Variants in FAM120A observed in about 807,000 individuals in gnomAD.
The protein encoded by FAM120A is family with sequence similarity 120 member A, also known as constitutive coactivator of PPAR-gamma-like protein 1.
In FAM120A, 15 loss-of-function variants were observed where a neutral mutation model predicts 109.7. That is an observed-to-expected ratio of 0.14 (90% CI 0.09 to 0.21). The LOEUF (loss-of-function observed/expected upper bound fraction) is 0.21, where lower values mean the gene tolerates loss of function less well. FAM120A is among the 10% of genes least tolerant of loss of function. The pLI is 1.00. For missense variants in FAM120A, 899 were observed against 1,439.3 expected (o/e 0.62, Z 6.07); for synonymous variants, 493 against 572.8 (o/e 0.86, Z 1.99).
At chr9:93,512,403 G>C (rs747950152) in intron 5 of FAM120A, among the ~76,000 whole-genome samples, 2 of 152,226 alleles carry the variant, frequency 1.3e-5, no homozygotes, top group Non-Finnish European at 2.9e-5. Context: ...AGGGATTGCA[G>C]TGCATGTCTC....
chr9:93,491,077 A>G (rs1289448529), intron 3 of FAM120A, among the ~76,000 whole-genome samples: 1 of 152,172 alleles, frequency 6.6e-6, no homozygotes, highest in Non-Finnish European at 1.5e-5. Context: ...GGGGTTGTCA[A>G]GCTGCTTGGA....
At chr9:93,538,486 C>T (rs1370608963) in intron 10 of FAM120A, among the ~76,000 whole-genome samples, 1 of 152,144 alleles carries the variant, frequency 6.6e-6, no homozygotes, top group Non-Finnish European at 1.5e-5. Context: ...CCCAGGAAAG[C>T]TCGTCAAGTA....
At chr9:93,504,577 CCT>C (rs1306035242) in intron 5 of FAM120A, among the ~76,000 whole-genome samples, 2 of 152,116 alleles carry the variant, frequency 1.3e-5, no homozygotes, top group Non-Finnish European at 2.9e-5. Context: ...AGCATGTACT[CCT>C]CTGACTTGCC....
At chr9:93,519,932 G>A (rs139699460) in intron 7 of FAM120A, among the ~76,000 whole-genome samples, 52 of 152,222 alleles carry the variant, frequency 3.4e-4, no homozygotes, top group African/African-American at 1.2e-3. Flanking sequence ...CTGGAGTGCA[G>A]TGGGACCATC....
At chr9:93,456,070 A>G (rs529902259) in intron 1 of FAM120A, among the ~76,000 whole-genome samples, 6 of 152,228 alleles carry the variant, frequency 3.9e-5, no homozygotes, top group Non-Finnish European at 7.3e-5. Context: ...GTTGGTCTAC[A>G]TGGAAAGACA....
At chr9:93,482,934 G>T (rs916137234) in intron 3 of FAM120A, among the ~76,000 whole-genome samples, 2 of 152,194 alleles carry the variant, frequency 1.3e-5, no homozygotes, top group African/African-American at 4.8e-5. Context: ...AGTGCCTGGA[G>T]CCAGCTTTTG....
intron 5 of FAM120A, among the ~76,000 whole-genome samples, chr9:93,512,613 A>G (rs1208148348): frequency 2.0e-5 from 3 of 151,370 alleles, no homozygotes; most frequent in South Asian, 4.2e-4. Context: ...TGTGACCTCT[A>G]CTCTGGAGCC....
intron 1 of FAM120A, among the ~76,000 whole-genome samples, chr9:93,467,970 C>T (rs1483594044): frequency 6.6e-6 from 1 of 152,032 alleles, no homozygotes; most frequent in Admixed American, 6.5e-5. Context: ...CAACCTCTGC[C>T]TCCCAGGTTC....
At chr9:93,529,965 T>C in intron 9 of FAM120A, 1 of 430,052 alleles carries the variant, frequency 2.3e-6, no homozygotes, top group South Asian at 3.1e-5. Flanking sequence ...GGTTCCTTTA[T>C]CATTTGTGCT....
chr9:93,475,637 T>G (rs1858517164), intron 2 of FAM120A, among the ~76,000 whole-genome samples: 1 of 152,170 alleles, frequency 6.6e-6, no homozygotes, highest in African/African-American at 2.4e-5. Context: ...GAATACAGTT[T>G]TGTTTGTAGA....
rs1292513994 is a variant in FAM120A at position 93,452,872 on chromosome 9, A to G, written c.474+483A>G. 1 of 1,459,130 alleles carries G rather than the reference A, an allele frequency of 6.9e-7. No homozygotes were observed. Among genetic ancestry groups the G allele is most frequent in the Non-Finnish European group, 9.0e-7 (1 of 1,114,162 alleles). 90.4% of individuals were successfully genotyped at this position (1,459,130 alleles called of 1,614,324 possible). On this transcript the variant is annotated intron_variant, in intron 1 of 17. Coordinates refer to ENST00000277165, the MANE Select transcript of FAM120A (RefSeq NM_014612.5). This position sits in a 1 kb window ranked among gnomAD's most constrained non-coding sequence, Gnocchi z 7.0. ...AGAGCCCTTGGGGGCTGCAAATATC[A>G]GTGCTGCTGCCGCCGCCCTTGCCAA...
At position 93,452,894 on chromosome 9, in the gene FAM120A, C is replaced by T. The variant is rs1429652181; in HGVS notation, c.474+505C>T. On this transcript the variant is annotated intron_variant, in intron 1 of 17. Coordinates refer to ENST00000277165, the MANE Select transcript of FAM120A (RefSeq NM_014612.5). The surrounding 1 kb of genome is among the most constrained non-coding windows in gnomAD (Gnocchi z 7.0). ...ATCAGTGCTGCTGCCGCCGCCCTTG[C>T]CAATGTTGTTAGCCCGGTGACAGCG... 2.8e-6 allele frequency: 4 copies of T among 1,443,138 alleles called. No homozygotes were observed. Among genetic ancestry groups the T allele is most frequent in the South Asian group, 1.5e-5 (1 of 67,820 alleles). 89.4% of individuals were successfully genotyped at this position (1,443,138 alleles called of 1,614,324 possible).
At chr9:93,486,149 T>G (rs1388707751) in intron 3 of FAM120A, among the ~76,000 whole-genome samples, 2 of 151,930 alleles carry the variant, frequency 1.3e-5, no homozygotes, top group East Asian at 3.9e-4. Flanking sequence ...ATGTTTTATT[T>G]TTTTTTTTAG....
intron 10 of FAM120A, among the ~76,000 whole-genome samples, chr9:93,536,679 T>G (rs1244120533): frequency 6.6e-6 from 1 of 152,236 alleles, no homozygotes; most frequent in Admixed American, 6.5e-5. Flanking sequence ...TTTACCAAAC[T>G]TTCATTTTTA....
intron 3 of FAM120A, among the ~76,000 whole-genome samples, chr9:93,488,611 A>G (rs1209994509): frequency 6.6e-6 from 1 of 152,030 alleles, no homozygotes; most frequent in South Asian, 2.1e-4. Context: ...GCACCTGCAC[A>G]TCAGATTTGG....
At chr9:93,517,054 G>A (rs1180347090) in intron 7 of FAM120A, among the ~76,000 whole-genome samples, 19 of 152,158 alleles carry the variant, frequency 1.2e-4, no homozygotes, top group Non-Finnish European at 2.9e-5. Context: ...AGACATAGGT[G>A]TCAGCTTCCA....
intron 4 of FAM120A, 37 bp downstream of exon 4, chr9:93,497,636 C>A (rs754788441): frequency 1.9e-6 from 3 of 1,586,204 alleles, no homozygotes; most frequent in South Asian, 2.3e-5. Context: ...AAAACAGATT[C>A]ATGGGATATG....
Position 93,556,477 on chromosome 9 carries a change from A to C in FAM120A, c.2370A>C (p.Pro790=), listed in dbSNP as rs1282597442. The C allele has an allele frequency of 1.9e-6, 3 of 1,614,124 alleles. No homozygotes were observed. The East Asian group carries it at 6.7e-5, about 36-fold the overall frequency. ...TTGCAAATGATGCATGCGGACAGCC[A>C]ATCCCCTGGGAACACTGTTGTCCTT... is the stretch of plus-strand genomic sequence containing the variant. ...ALFANDACGQ[P]IPWEHCCPWM... is the part of the protein sequence containing the mutation. The change falls in exon 13 of 18, where the codon CCA becomes CCC. Residue 790 remains proline, a synonymous_variant. Transcript: ENST00000277165.
intron 1 of FAM120A, among the ~76,000 whole-genome samples, chr9:93,468,696 A>G (rs1858167622): frequency 6.6e-6 from 1 of 152,198 alleles, no homozygotes. Context: ...TCTCCACAGT[A>G]CAGCGTAGTG....
Sources: gnomAD v4.1 joint callset for allele counts (sites outside exome capture counted in the v4.1 genomes callset) on GRCh38, gnomAD v4.1.1 for gene constraint, Gnocchi (gnomAD v3.1) non-coding constraint, MANE v1.5 for transcripts, NCBI Gene and HGNC (gene_info 2026-07-23, HGNC 2026-07-21) for gene names.